Variants in P2RY12 observed in about 807,000 individuals in gnomAD.
P2RY12 encodes the protein purinergic receptor P2Y12.
In P2RY12, 3 loss-of-function variants were observed where a neutral mutation model predicts 4.5. That is an observed-to-expected ratio of 0.67 (90% CI 0.31 to 1.74). The LOEUF is 1.74. Ranked by LOEUF, P2RY12 falls within the 40% of genes most tolerant of loss-of-function variation. P2RY12 has a pLI of 0.09. For synonymous variants in P2RY12, 148 were observed against 154.1 expected (o/e 0.96, Z 0.29); for missense variants, 356 against 407.8 (o/e 0.87, Z 1.09).
At chr3:151,357,463 T>C (rs2150060652) in intron 1 of P2RY12, 1 of 1,171,918 alleles carries the variant, frequency 8.5e-7, no homozygotes, top group South Asian at 1.9e-5. Context: ...AAAAGAAAAA[T>C]AGTACTGATA....
chr3:151,365,843 TTTC>T, intron 1 of P2RY12: 1 of 1,604,538 alleles, frequency 6.2e-7, no homozygotes, highest in South Asian at 1.1e-5. Flanking sequence ...TTCTTTTTCT[TTTC>T]TAGGATTAAC....
intron 1 of P2RY12, chr3:151,360,692 A>T: frequency 8.1e-7 from 1 of 1,231,630 alleles, no homozygotes; most frequent in Non-Finnish European, 1.1e-6. Flanking sequence ...CTTTTGAATA[A>T]TGAAAGCTAA....
intron 1 of P2RY12, among the ~76,000 whole-genome samples, chr3:151,361,529 G>A (rs1279657286): frequency 6.6e-6 from 1 of 152,090 alleles, no homozygotes; most frequent in Non-Finnish European, 1.5e-5. Flanking sequence ...GATAATGATA[G>A]TAGTATTTGA....
chr3:151,377,459 A>G (rs758761851), intron 1 of P2RY12, among the ~76,000 whole-genome samples: 1 of 152,222 alleles, frequency 6.6e-6, no homozygotes, highest in Non-Finnish European at 1.5e-5. Flanking sequence ...AGTATTCATT[A>G]TATGGGAAAC....
At position 151,337,917 on chromosome 3, in the gene P2RY12, A is replaced by T; in HGVS notation, c.929T>A (p.Ile310Lys). The T allele has an allele frequency of 1.2e-6, 2 of 1,614,114 alleles. No homozygotes were observed. The highest frequency in any genetic ancestry group is 1.7e-6 in the Non-Finnish European group (2 of 1,180,000). The change falls in exon 3 of 3, where the codon ATA (isoleucine) becomes AAA (lysine). Residue 310 changes from isoleucine (I) to lysine (K), a missense_variant. Coordinates refer to ENST00000302632, the MANE Select transcript of P2RY12 (RefSeq NM_022788.5). ...FLCKSFRNSL[I>K]SMLKCPNSAT... The stretch of plus-strand genomic sequence containing the variant: ...AGAATTGGGGCACTTCAGCATACTT[A>T]TCAAGGAATTTCTGAAGGACTTGCA...
chr3:151,360,391 C>A (rs1478904787), intron 1 of P2RY12: 2 of 1,259,168 alleles, frequency 1.6e-6, no homozygotes, highest in African/African-American at 1.5e-5. Context: ...CCAAGTGATA[C>A]ATATTTTCAT....
chr3:151,375,890 C>A, intron 1 of P2RY12: 1 of 501,748 alleles, frequency 2.0e-6, no homozygotes, highest in Non-Finnish European at 3.1e-6. Context: ...TTTCTACCTA[C>A]TTTTTAATGT....
intron 1 of P2RY12, among the ~76,000 whole-genome samples, chr3:151,378,466 C>T (rs544903132): frequency 1.3e-5 from 2 of 151,966 alleles, no homozygotes; most frequent in Non-Finnish European, 2.9e-5. Context: ...GGATAGCTAC[C>T]TGATCCCTGT....
intron 1 of P2RY12, among the ~76,000 whole-genome samples, chr3:151,344,356 G>A (rs975805040): frequency 5.3e-4 from 80 of 151,354 alleles, no homozygotes; most frequent in African/African-American, 1.9e-3. Flanking sequence ...CCTCATCCAT[G>A]TGCACACCCA....
At chr3:151,367,589 T>C in intron 1 of P2RY12, 1 of 1,501,842 alleles carries the variant, frequency 6.7e-7, no homozygotes, top group Non-Finnish European at 9.0e-7. Flanking sequence ...GTTATTAATC[T>C]TAGATACTGC....
intron 1 of P2RY12, chr3:151,368,282 T>G: frequency 1.9e-6 from 3 of 1,561,536 alleles, no homozygotes; most frequent in Non-Finnish European, 2.6e-6. Context: ...TCTGATTACC[T>G]TTTCATTGGT....
chr3:151,360,804 T>C (rs898733850), intron 1 of P2RY12, among the ~76,000 whole-genome samples: 1 of 152,164 alleles, frequency 6.6e-6, no homozygotes, highest in Non-Finnish European at 1.5e-5. Flanking sequence ...TATTACACAA[T>C]GTAAATGTGT....
chr3:151,361,006 A>G (rs1754536288), intron 1 of P2RY12, among the ~76,000 whole-genome samples: 1 of 152,096 alleles, frequency 6.6e-6, no homozygotes, highest in African/African-American at 2.4e-5. Context: ...AATTTGGATT[A>G]TAAATCTAAT....
chr3:151,341,597 G>A (rs977817238), intron 1 of P2RY12, among the ~76,000 whole-genome samples: 70 of 150,470 alleles, frequency 4.7e-4, no homozygotes, highest in African/African-American at 1.5e-3. Flanking sequence ...ATTATTATAC[G>A]TTAAGTTTTA....
intron 1 of P2RY12, chr3:151,378,024 C>T: frequency 6.2e-7 from 1 of 1,604,060 alleles, no homozygotes; most frequent in Non-Finnish European, 8.5e-7. Flanking sequence ...CCTCCGAACG[C>T]AGGGGTGTAT....
intron 1 of P2RY12, among the ~76,000 whole-genome samples, chr3:151,373,075 A>C (rs11708287): frequency 0.29 from 44,731 of 152,020 alleles, 7,699 homozygotes; most frequent in Non-Finnish European, 0.39. Flanking sequence ...ATTCTTTTGA[A>C]TATTGCATTA....
At chr3:151,382,750 G>T in intron 1 of P2RY12, 1 of 1,604,762 alleles carries the variant, frequency 6.2e-7, no homozygotes, top group Non-Finnish European at 8.5e-7. Context: ...AATTTGGTAA[G>T]TGACATTTCT....
Position 151,372,690 on chromosome 3 carries a change from G to T in P2RY12, c.-180+12002C>A, listed in dbSNP as rs769829011. 5 of 1,613,842 alleles carry T rather than the reference G, an allele frequency of 3.1e-6. No individual in the cohort carries two copies. In the African/African-American group the frequency reaches 6.7e-5, roughly 22 times the overall value. ...ACTGCCTCACAAAATCCAAAATCCT[G>T]TGGGAAAAGCATTTCCATAGAAACT... On this transcript the variant is annotated intron_variant, in intron 1 of 2. Transcript: ENST00000302632.
At chr3:151,381,631 G>C (rs1312423435) in intron 1 of P2RY12, among the ~76,000 whole-genome samples, 1 of 152,166 alleles carries the variant, frequency 6.6e-6, no homozygotes, top group Non-Finnish European at 1.5e-5. Flanking sequence ...ACCTCCTTCG[G>C]GAGGCCTTTG....
Sources: allele counts gnomAD v4.1 joint callset (sites outside exome capture counted in the v4.1 genomes callset), GRCh38; gene constraint gnomAD v4.1.1; transcripts MANE v1.5; gene names NCBI Gene and HGNC (gene_info 2026-07-23, HGNC 2026-07-21).